CADM1: variants seen among roughly 807,000 people sequenced by gnomAD.
The protein encoded by CADM1 is TSLC-1.
A neutral mutation model predicts 53.1 loss-of-function variants in CADM1; 15 were observed. The observed-to-expected ratio is 0.28, with a 90% CI of 0.19 to 0.44. The LOEUF (loss-of-function observed/expected upper bound fraction) is 0.44, where lower values mean the gene tolerates loss of function less well. CADM1 is among the 20% of genes least tolerant of loss of function. The pLI, the probability that CADM1 is intolerant of heterozygous loss-of-function variation, is 1.00. For missense variants in CADM1, 434 were observed against 611.3 expected (o/e 0.71, Z 3.06); for synonymous variants, 281 against 243.0 (o/e 1.16, Z -1.45).
At chr11:115,368,181 G>A (rs1946220401) in intron 1 of CADM1, among the ~76,000 whole-genome samples, 1 of 116,928 alleles carries the variant, frequency 8.6e-6, no homozygotes, top group Non-Finnish European at 1.6e-5. Context: ...ATTGTTTGGG[G>A]GATAGCCGTT....
intron 1 of CADM1, among the ~76,000 whole-genome samples, chr11:115,470,638 C>A (rs1484100202): frequency 6.6e-6 from 1 of 151,778 alleles, no homozygotes; most frequent in Non-Finnish European, 1.5e-5. Context: ...ATATATATAT[C>A]ATTCAATACA....
chr11:115,376,677 C>T (rs903196274), intron 1 of CADM1, among the ~76,000 whole-genome samples: 1 of 152,172 alleles, frequency 6.6e-6, no homozygotes, highest in Non-Finnish European at 1.5e-5. Flanking sequence ...TTGAGAGAAT[C>T]GTGTCACGTG....
At chr11:115,179,403 C>T (rs1939202728) in intron 10 of CADM1, among the ~76,000 whole-genome samples, 1 of 123,306 alleles carries the variant, frequency 8.1e-6, no homozygotes, top group African/African-American at 2.6e-5. Context: ...TGTCCATTGC[C>T]ACCAACGGTT....
At chr11:115,442,723 T>A (rs1477788037) in intron 1 of CADM1, among the ~76,000 whole-genome samples, 2 of 152,176 alleles carry the variant, frequency 1.3e-5, no homozygotes, top group Non-Finnish European at 2.9e-5. Context: ...AGTAAAGAGC[T>A]TGACTAAAAG....
At chr11:115,466,598 T>C (rs1219075140) in intron 1 of CADM1, among the ~76,000 whole-genome samples, 2 of 152,204 alleles carry the variant, frequency 1.3e-5, no homozygotes, top group Non-Finnish European at 2.9e-5. Flanking sequence ...AATAACATGT[T>C]GCACCAATAT....
intron 1 of CADM1, among the ~76,000 whole-genome samples, chr11:115,312,857 T>C (rs1944566444): frequency 6.6e-6 from 1 of 152,136 alleles, no homozygotes; most frequent in Non-Finnish European, 1.5e-5. Context: ...CAGGTTAAAA[T>C]GTCCAAAGAT....
intron 1 of CADM1, among the ~76,000 whole-genome samples, chr11:115,329,148 T>C (rs1362124213): frequency 6.6e-6 from 1 of 152,114 alleles, no homozygotes; most frequent in African/African-American, 2.4e-5. Context: ...ACTTCCTTAC[T>C]CTACCTGCAA....
At chr11:115,251,817 G>C (rs1391558743) in intron 1 of CADM1, among the ~76,000 whole-genome samples, 2 of 152,116 alleles carry the variant, frequency 1.3e-5, no homozygotes, top group Non-Finnish European at 2.9e-5. Flanking sequence ...GTATAATAGA[G>C]GTAGAAAGCT....
At chr11:115,199,660 C>A (rs193169516) in intron 8 of CADM1, among the ~76,000 whole-genome samples, 1 of 152,222 alleles carries the variant, frequency 6.6e-6, no homozygotes, top group Non-Finnish European at 1.5e-5. Flanking sequence ...GTCAACCCAT[C>A]TGGCCATACT....
intron 1 of CADM1, among the ~76,000 whole-genome samples, chr11:115,421,108 T>C (rs1947745042): frequency 6.6e-6 from 1 of 152,188 alleles, no homozygotes; most frequent in African/African-American, 2.4e-5. Context: ...AGTGGGTCTA[T>C]AACATGTTGC....
chr11:115,436,124 C>T (rs965697712), intron 1 of CADM1, among the ~76,000 whole-genome samples: 3 of 152,156 alleles, frequency 2.0e-5, no homozygotes, highest in Non-Finnish European at 2.9e-5. Context: ...CACTGACCCA[C>T]TTCACCCTGT....
At chr11:115,202,186 G>A (rs560368566) in intron 8 of CADM1, among the ~76,000 whole-genome samples, 43 of 7,592 alleles carry the variant, frequency 5.7e-3, no homozygotes, top group African/African-American at 0.013. Context: ...TAACTAAGTA[G>A]CAAAAAAAAA....
intron 1 of CADM1, among the ~76,000 whole-genome samples, chr11:115,406,305 G>A (rs1381286300): frequency 1.3e-5 from 2 of 151,428 alleles, no homozygotes; most frequent in African/African-American, 2.4e-5. Context: ...GAGTATGCTA[G>A]ACCCCAGAAT....
Position 115,472,011 on chromosome 11 carries a change from A to C in CADM1, c.124+32260T>G, listed in dbSNP as rs314499. 3.5e-3 allele frequency among the ~76,000 whole-genome samples: 540 copies of C among 152,324 alleles called. 4 individuals carry two copies. Among genetic ancestry groups the C allele is most frequent in the African/African-American group, 0.012 (494 of 41,572 alleles). On this transcript the variant is annotated intron_variant, in intron 1 of 11. Transcript: ENST00000331581. Reference sequence around the variant, plus strand: ...GCAAGGGGAAAGAGGAGCTAGGTCCAAACCAACCAGGCACAGACAATCAGC... The same window carrying C: ...GCAAGGGGAAAGAGGAGCTAGGTCCCAACCAACCAGGCACAGACAATCAGC...
At chr11:115,274,928 C>T (rs754824401) in intron 1 of CADM1, among the ~76,000 whole-genome samples, 5 of 152,134 alleles carry the variant, frequency 3.3e-5, no homozygotes, top group Non-Finnish European at 5.9e-5. Context: ...TCCCTTCCCA[C>T]GAATTTGTCT....
At position 115,340,658 on chromosome 11, in the gene CADM1, A is replaced by ATATATATATT. The variant is rs60532835; in HGVS notation, c.125-100239_125-100238insAATATATATA. Among the ~76,000 whole-genome samples, 15 of 34,934 alleles carry ATATATATATT rather than the reference A, an allele frequency of 4.3e-4. No individual in the cohort carries two copies. The East Asian group carries it at 4.4e-3, about 10-fold the overall frequency. 22.9% of individuals were successfully genotyped at this position (34,934 alleles called of 152,430 possible). The stretch of plus-strand genomic sequence containing the variant: ...TATATATATATATATATATATATAT[A>ATATATATATT]TTTTTTTTTTTTTTTTTTTTGAGAC... On this transcript the variant is annotated intron_variant, in intron 1 of 11. Coordinates refer to ENST00000331581, the MANE Select transcript of CADM1 (RefSeq NM_001301043.2).
intron 8 of CADM1, among the ~76,000 whole-genome samples, chr11:115,201,452 A>G (rs1338173408): frequency 6.6e-6 from 1 of 152,138 alleles, no homozygotes; most frequent in Admixed American, 6.5e-5. Flanking sequence ...AACCACAGAC[A>G]CCCTGGCTCT....
chr11:115,348,572 A>G (rs1438587470), intron 1 of CADM1, among the ~76,000 whole-genome samples: 1 of 152,164 alleles, frequency 6.6e-6, no homozygotes, highest in Non-Finnish European at 1.5e-5. Flanking sequence ...TTACTTTGTT[A>G]TATTCACCGG....
chr11:115,436,861 C>T (rs1292717181), intron 1 of CADM1, among the ~76,000 whole-genome samples: 2 of 152,124 alleles, frequency 1.3e-5, no homozygotes, highest in Admixed American at 1.3e-4. Context: ...AAGGCATCTT[C>T]CAGTGGTCAG....
Sources: allele counts gnomAD v4.1 joint callset (sites outside exome capture counted in the v4.1 genomes callset), GRCh38; gene constraint gnomAD v4.1.1; transcripts MANE v1.5; gene names NCBI Gene and HGNC (gene_info 2026-07-23, HGNC 2026-07-21).